Variants in MAST2 observed in about 807,000 individuals in gnomAD.
The protein encoded by MAST2 is microtubule associated serine/threonine kinase 2, also known as microtubule-associated serine/threonine-protein kinase 2.
Under a neutral mutation model 147.4 loss-of-function variants are expected in MAST2, and 70 were observed. The observed-to-expected ratio is 0.47, with a 90% CI of 0.39 to 0.58. The LOEUF (loss-of-function observed/expected upper bound fraction) is 0.58, where lower values mean the gene tolerates loss of function less well. Among genes scored for constraint, MAST2 ranks in the 20% least tolerant of loss-of-function variants. The probability of loss-of-function intolerance (pLI) is 0.00; values close to 1 mark genes in which losing one functional copy is unlikely to be tolerated. For synonymous variants in MAST2, 869 were observed against 896.8 expected, an observed-to-expected ratio of 0.97 and a Z score of 0.55; for missense variants, 2,080 against 2,302.3, an observed-to-expected ratio of 0.90 and a Z score of 1.98.
intron 5 of MAST2, among the ~76,000 whole-genome samples, chr1:45,984,307 A>T (rs375396853): frequency 4.8e-5 from 7 of 144,438 alleles, no homozygotes; most frequent in Non-Finnish European, 9.2e-5. Flanking sequence ...TTAATTTTTA[A>T]TTTTTTTTTT....
intron 4 of MAST2, among the ~76,000 whole-genome samples, chr1:45,957,197 A>G (rs1659777451): frequency 6.6e-6 from 1 of 152,244 alleles, no homozygotes; most frequent in African/African-American, 2.4e-5. Flanking sequence ...TCTTGCTTTC[A>G]GCATAATTAT....
At chr1:45,895,449 A>G (rs1386194417) in intron 4 of MAST2, among the ~76,000 whole-genome samples, 1 of 152,228 alleles carries the variant, frequency 6.6e-6, no homozygotes, top group Non-Finnish European at 1.5e-5. Flanking sequence ...AGTTATGTAA[A>G]GAAAAATTGA....
chr1:45,997,815 A>G lies in MAST2; in HGVS notation c.668+16A>G, dbSNP rs1557448818. On this transcript the variant is annotated intron_variant, in intron 6 of 28. Coordinates refer to ENST00000361297, the MANE Select transcript of MAST2 (RefSeq NM_015112.3). ...CTGCCCGTAGGTAAGTTGATAGGAA[A>G]CCTCCTCTGGGACCAGCACATGTGG... The G allele has an allele frequency of 3.7e-6, 6 of 1,610,540 alleles. No individual in the cohort carries two copies. The South Asian group carries it at 5.5e-5, about 15-fold the overall frequency.
intron 7 of MAST2, 30 bp downstream of exon 7, chr1:46,002,913 C>T (rs766033846): frequency 4.4e-6 from 7 of 1,601,040 alleles, no homozygotes; most frequent in Non-Finnish European, 6.0e-6. Context: ...GCCATACTTC[C>T]TTCACCCTAA....
chr1:46,025,948 G>A, intron 16 of MAST2, 133 bp downstream of exon 16: 1 of 1,187,618 alleles, frequency 8.4e-7, no homozygotes, highest in South Asian at 1.4e-5. Context: ...TGTCCATCTG[G>A]GCCTAGTTCT....
At chr1:45,923,040 GC>G (rs1405299695) in intron 4 of MAST2, among the ~76,000 whole-genome samples, 4 of 152,142 alleles carry the variant, frequency 2.6e-5, no homozygotes, top group Non-Finnish European at 5.9e-5. Context: ...CTGAAGCATG[GC>G]CCCAGCTCTG....
At chr1:45,827,656 A>G (rs1167236413) in intron 2 of MAST2, among the ~76,000 whole-genome samples, 1 of 119,626 alleles carries the variant, frequency 8.4e-6, no homozygotes, top group Non-Finnish European at 1.8e-5. Flanking sequence ...CATCATCATC[A>G]TTATTTTTTT....
intron 3 of MAST2, among the ~76,000 whole-genome samples, chr1:45,852,817 T>TCGTC (rs1645665047): frequency 6.6e-6 from 1 of 151,530 alleles, no homozygotes; most frequent in Admixed American, 6.6e-5. Context: ...TTCCATTGTA[T>TCGTC]GGTCACACAT....
At chr1:45,847,564 CT>C (rs1427632511) in intron 3 of MAST2, 36 of 799,286 alleles carry the variant, frequency 4.5e-5, no homozygotes, top group African/African-American at 5.3e-5. Flanking sequence ...GGATGAATGA[CT>C]TTTTTTCCCA....
chr1:45,989,909 A>G (rs1411753385), intron 5 of MAST2, among the ~76,000 whole-genome samples: 1 of 152,200 alleles, frequency 6.6e-6, no homozygotes, highest in Non-Finnish European at 1.5e-5. Context: ...GTAGGTGGAT[A>G]GCTTGTTTAT....
At chr1:46,030,304 A>G in intron 21 of MAST2, 66 bp downstream of exon 21, 1 of 1,485,532 alleles carries the variant, frequency 6.7e-7, no homozygotes, top group Non-Finnish European at 9.3e-7. Context: ...GGCCTGTCAA[A>G]GGGCACACCT....
intron 17 of MAST2, 49 bp downstream of exon 17, chr1:46,027,912 C>T (rs1272273705): frequency 1.2e-6 from 2 of 1,606,060 alleles, no homozygotes; most frequent in Non-Finnish European, 1.7e-6. Flanking sequence ...AGGCCCTTGT[C>T]CTGGCGCAGT....
intron 4 of MAST2, among the ~76,000 whole-genome samples, chr1:45,933,268 G>T (rs1290871434): frequency 6.6e-6 from 1 of 150,766 alleles, no homozygotes; most frequent in Non-Finnish European, 1.5e-5. Context: ...AATGTTGATG[G>T]TAGACATGGT....
At chr1:45,804,215 G>A (rs934102614) in intron 1 of MAST2, 143 bp downstream of exon 1, 3 of 1,016,340 alleles carry the variant, frequency 3.0e-6, no homozygotes, top group Non-Finnish European at 2.5e-6. Context: ...TGGGGAGGCC[G>A]AGAAATGGGG....
At chr1:45,857,697 C>T (rs897268832) in intron 3 of MAST2, among the ~76,000 whole-genome samples, 2 of 152,030 alleles carry the variant, frequency 1.3e-5, no homozygotes, top group Non-Finnish European at 2.9e-5. Flanking sequence ...GTGTGCTGCA[C>T]CCATTAACTT....
chr1:45,952,498 G>A (rs1659073180), intron 4 of MAST2, among the ~76,000 whole-genome samples: 1 of 152,006 alleles, frequency 6.6e-6, no homozygotes, highest in Non-Finnish European at 1.5e-5. Context: ...TGAATGAGTT[G>A]TACATTTTAA....
chr1:46,023,998 G>A lies in MAST2; in HGVS notation c.1780+18G>A, dbSNP rs1431097008. 1 of 1,613,450 alleles carries A rather than the reference G, an allele frequency of 6.2e-7. No individual in the cohort carries two copies. Among genetic ancestry groups the A allele is most frequent in the Admixed American group, 1.7e-5 (1 of 60,016 alleles). On this transcript the variant is annotated intron_variant, in intron 15 of 28. Coordinates refer to ENST00000361297, the MANE Select transcript of MAST2 (RefSeq NM_015112.3). This position sits in a 1 kb window ranked among gnomAD's most constrained non-coding sequence, Gnocchi z 4.9. ...CGTTGAAGGTACTGAGGCAAAGGTG[G>A]CCTGGCATGGAGGCCAAGGCACAGT...
chr1:46,010,954 G>A lies in MAST2; in HGVS notation c.1188+15G>A, dbSNP rs958944905. ...TTTTACAAGATGTGAGTGTCCTTGTGCTGGGGTTCTGAAAAAACCTCCACC... is the reference window on the plus strand; with the variant it reads ...TTTTACAAGATGTGAGTGTCCTTGTACTGGGGTTCTGAAAAAACCTCCACC... On this transcript the variant is annotated intron_variant, in intron 10 of 28. Coordinates refer to ENST00000361297, the MANE Select transcript of MAST2 (RefSeq NM_015112.3). The A allele has an allele frequency of 2.5e-6, 4 of 1,608,636 alleles. No homozygotes were observed. Among genetic ancestry groups the A allele is most frequent in the Admixed American group, 3.3e-5 (2 of 59,984 alleles).
At chr1:45,959,534 T>G in intron 5 of MAST2, 57 bp downstream of exon 5, 1 of 1,409,580 alleles carries the variant, frequency 7.1e-7, no homozygotes. Context: ...GATGCCCAAT[T>G]TCTTTCCTAC....
Sources: allele counts gnomAD v4.1 joint callset (sites outside exome capture counted in the v4.1 genomes callset), GRCh38; gene constraint gnomAD v4.1.1; non-coding constraint Gnocchi (gnomAD v3.1); transcripts MANE v1.5; gene names NCBI Gene and HGNC (gene_info 2026-07-23, HGNC 2026-07-21).